The following QPCTL variants were observed in gnomAD, a reference collection of about 807,000 sequenced individuals.
QPCTL encodes glutaminyl-peptide cyclotransferase-like protein.
Under a neutral mutation model 34.6 loss-of-function variants are expected in QPCTL, and 31 were observed. The ratio of observed to expected loss-of-function variants is 0.90; its 90% CI spans 0.67 to 1.21. The LOEUF is 1.21. Ranked by LOEUF, QPCTL falls within the 50% of genes most tolerant of loss-of-function variation. QPCTL has a pLI of 0.00. For synonymous variants in QPCTL, 223 were observed against 226.9 expected (o/e 0.98, Z 0.15); for missense variants, 474 against 507.8 (o/e 0.93, Z 0.64).
Position 45,693,548 on chromosome 19 carries a change from G to C in QPCTL, c.343G>C (p.Val115Leu). ...CCCGGGCAGCCCGGGAAATCTCCAA[G>C]TCAGAAAGGTAAAGGGACCCACCTC... is the stretch of plus-strand genomic sequence containing the variant. ...RTPGSPGNLQVRKFLEATLRS... is the reference protein window; with the variant it reads ...RTPGSPGNLQLRKFLEATLRS... The change falls in exon 2 of 7, where the codon GTC (valine) becomes CTC (leucine). Residue 115 changes from valine to leucine, a missense_variant. Physicochemically the swap from Val to Leu is conservative, Grantham distance 32 (BLOSUM62 1). Coordinates refer to ENST00000012049, the MANE Select transcript of QPCTL (RefSeq NM_017659.4). The C allele has an allele frequency of 6.2e-7, 1 of 1,611,690 alleles. No individual in the cohort carries two copies.
chr19:45,698,670 A>C lies in QPCTL; in HGVS notation c.757A>C (p.Ser253Arg). ...LAQLMESIPHSPGPTRIQAIE... is the reference protein window; with the variant it reads ...LAQLMESIPHRPGPTRIQAIE... Reference sequence around the variant, plus strand: ...CCAGCTCATGGAGTCTATACCTCACAGCCCCGGCCCCACCAGGATCCAGGC... The same window carrying C: ...CCAGCTCATGGAGTCTATACCTCACCGCCCCGGCCCCACCAGGATCCAGGC... The change falls in exon 4 of 7, where the codon AGC (serine) becomes CGC (arginine). Residue 253 changes from serine to arginine, a missense_variant. Coordinates refer to ENST00000012049, the MANE Select transcript of QPCTL (RefSeq NM_017659.4). The C allele has an allele frequency of 6.2e-7, 1 of 1,614,088 alleles. No homozygotes were observed. Among genetic ancestry groups the C allele is most frequent in the South Asian group, 1.1e-5 (1 of 91,082 alleles).
intron 6 of QPCTL, 147 bp downstream of exon 6, chr19:45,702,061 A>G (rs1167266008): frequency 6.4e-6 from 4 of 627,990 alleles, no homozygotes; most frequent in Non-Finnish European, 1.1e-5. Context: ...AAATGGGGAT[A>G]ATACTCCCTA....
chr19:45,702,356 G>T (rs917366218), intron 6 of QPCTL, among the ~76,000 whole-genome samples: 1 of 151,874 alleles, frequency 6.6e-6, no homozygotes, highest in Non-Finnish European at 1.5e-5. Flanking sequence ...CCAGCTACTC[G>T]AGAGGCTGAA....
intron 6 of QPCTL, 101 bp from the exon 7 acceptor site, chr19:45,702,803 C>A (rs1295846482): frequency 7.3e-6 from 10 of 1,369,310 alleles, no homozygotes; most frequent in South Asian, 1.3e-5. Flanking sequence ...TATCTTTCAC[C>A]AGTGTGTGGT....
At chr19:45,702,669 C>T (rs945789048) in intron 6 of QPCTL, among the ~76,000 whole-genome samples, 4 of 150,950 alleles carry the variant, frequency 2.6e-5, no homozygotes, top group East Asian at 2.0e-4. Context: ...GAGGCTAAGA[C>T]GGTAGAATCG....
chr19:45,693,115 T>C (rs1271181382), intron 1 of QPCTL, among the ~76,000 whole-genome samples: 1 of 152,170 alleles, frequency 6.6e-6, no homozygotes, highest in Non-Finnish European at 1.5e-5. Context: ...TCTGAAATAG[T>C]AAGACGGGGG....
intron 5 of QPCTL, among the ~76,000 whole-genome samples, chr19:45,700,957 C>CAAAA (rs773396546): frequency 2.1e-5 from 1 of 46,764 alleles, no homozygotes; most frequent in Non-Finnish European, 4.6e-5. Flanking sequence ...GACTCTGTCT[C>CAAAA]AAAAAAAAAA....
At chr19:45,698,769 C>G (rs373298782) in intron 4 of QPCTL, 32 bp from the exon 5 acceptor site, 35 of 1,613,212 alleles carry the variant, frequency 2.2e-5, no homozygotes, top group Non-Finnish European at 3.0e-5. Context: ...TCATCCTGCA[C>G]GGGCCCCTCC....
chr19:45,702,320 G>T (rs937102342), intron 6 of QPCTL, among the ~76,000 whole-genome samples: 1 of 151,876 alleles, frequency 6.6e-6, no homozygotes, highest in African/African-American at 2.4e-5. Context: ...AAAATTAGCC[G>T]GGCATGGTGG....
chr19:45,695,490 T>C lies in QPCTL; in HGVS notation c.405T>C (p.Asp135=). ...SLTAGWHVEL[D]PFTASTPLGP... is the part of the protein sequence containing the mutation. ...CAGCAGGTTGGCACGTGGAGCTGGA[T>C]CCCTTCACAGCCTCAACACCCCTGG... Residue 135 remains aspartate, a synonymous_variant, in exon 3 of 7, where the codon GAT becomes GAC. Transcript: ENST00000012049. 6.2e-7 allele frequency: 1 copy of C among 1,613,836 alleles called. No individual in the cohort carries two copies. The highest frequency in any genetic ancestry group is 8.5e-7 in the Non-Finnish European group (1 of 1,179,964).
chr19:45,701,898 C>A lies in QPCTL; in HGVS notation c.987C>A (p.Ile329=). 1 of 1,612,178 alleles carries A rather than the reference C, an allele frequency of 6.2e-7. No individual in the cohort carries two copies. Among genetic ancestry groups the A allele is most frequent in the Non-Finnish European group, 8.5e-7 (1 of 1,178,392 alleles). The change falls in exon 6 of 7, where the codon ATC becomes ATA. Residue 329 remains isoleucine, a synonymous_variant. Coordinates refer to ENST00000012049, the MANE Select transcript of QPCTL (RefSeq NM_017659.4). The part of the protein sequence containing the change: ...EPFGSVEDDH[I]PFLRRGVPVL... ...TTGGCTCTGTGGAAGACGACCACAT[C>A]CCCTTCCTCCGCAGAGGTACCAGCT...
In QPCTL at chr19:45,700,495, C is replaced by T. The variant is rs142520390; in HGVS notation, c.887-1303C>T. On this transcript the variant is annotated intron_variant, in intron 5 of 6. Transcript: ENST00000012049. ...AATAAATAAGAAAATAAAATAAAGG[C>T]TCACCCAGCCTTTCCTCTACCTCCC... Among the ~76,000 whole-genome samples, 710 of 152,064 alleles carry T rather than the reference C, an allele frequency of 4.7e-3. 12 individuals are homozygous for T. Among genetic ancestry groups the T allele is most frequent in the Non-Finnish European group, 1.9e-3 (128 of 67,982 alleles).
At chr19:45,700,597 C>T (rs1208075250) in intron 5 of QPCTL, among the ~76,000 whole-genome samples, 1 of 152,100 alleles carries the variant, frequency 6.6e-6, no homozygotes, top group East Asian at 1.9e-4. Context: ...CCGTGGTTTC[C>T]AATCTTACCA....
intron 5 of QPCTL, among the ~76,000 whole-genome samples, chr19:45,700,185 G>A (rs1050107195): frequency 1.8e-4 from 28 of 151,978 alleles, no homozygotes; most frequent in African/African-American, 6.0e-4. Flanking sequence ...AATGGTTCAC[G>A]CCTGTAATCC....
In QPCTL at chr19:45,702,912, G is replaced by C. The variant is rs1459279211; in HGVS notation, c.1012G>C (p.Val338Leu). ...CTCCTCTGTCACTTCAGGGGTACCC[G>C]TGCTCCATCTCATCTCCACGCCCTT... ...HIPFLRRGVP[V>L]LHLISTPFPA... The change falls in exon 7 of 7, where the codon GTG becomes CTG. Residue 338 changes from valine to leucine, a missense_variant. Physicochemically the swap from Val to Leu is conservative, Grantham distance 32 (BLOSUM62 1). Coordinates refer to ENST00000012049, the MANE Select transcript of QPCTL (RefSeq NM_017659.4). 2 of 1,614,108 alleles carry C rather than the reference G, an allele frequency of 1.2e-6. No individual in the cohort carries two copies. Among genetic ancestry groups the C allele is most frequent in the South Asian group, 1.1e-5 (1 of 91,084 alleles).
chr19:45,701,992 G>A, intron 6 of QPCTL, 78 bp downstream of exon 6: 6 of 1,219,686 alleles, frequency 4.9e-6, no homozygotes, highest in Admixed American at 1.8e-5. Context: ...CCCTTCCCAG[G>A]GCTGGGGAAT....
At chr19:45,702,428 A>G (rs1397272910) in intron 6 of QPCTL, among the ~76,000 whole-genome samples, 2 of 150,762 alleles carry the variant, frequency 1.3e-5, no homozygotes, top group African/African-American at 4.9e-5. Context: ...GAGCCACTGC[A>G]CTCTAGCCTG....
Position 45,701,909 on chromosome 19 carries a change from G to A in QPCTL, c.998G>A (p.Arg333His), listed in dbSNP as rs369332200. The A allele has an allele frequency of 1.1e-4, 178 of 1,609,636 alleles. No individual in the cohort carries two copies. The highest frequency in any genetic ancestry group is 7.3e-4 in the South Asian group (66 of 90,998). ...SVEDDHIPFL[R>H]RGVPVLHLIS... Reference sequence around the variant, plus strand: ...GAAGACGACCACATCCCCTTCCTCCGCAGAGGTACCAGCTGCAGGGAGGGA... The same window carrying A: ...GAAGACGACCACATCCCCTTCCTCCACAGAGGTACCAGCTGCAGGGAGGGA... The change falls in exon 6 of 7, where the codon CGC becomes CAC. Residue 333 changes from arginine to histidine, a missense_variant. Coordinates refer to ENST00000012049, the MANE Select transcript of QPCTL (RefSeq NM_017659.4).
chr19:45,699,159 G>A (rs1052167907), intron 5 of QPCTL, among the ~76,000 whole-genome samples: 2 of 147,770 alleles, frequency 1.4e-5, no homozygotes, highest in Non-Finnish European at 3.0e-5. Context: ...TCAGCCTCCC[G>A]AGTAGCTGGG....
Sources: allele counts gnomAD v4.1 joint callset (sites outside exome capture counted in the v4.1 genomes callset), GRCh38; gene constraint gnomAD v4.1.1; transcripts MANE v1.5; gene names NCBI Gene and HGNC (gene_info 2026-07-23, HGNC 2026-07-21).